GOLGA6L9: variants seen among roughly 807,000 people sequenced by gnomAD.
GOLGA6L9 encodes golgin subfamily A member 6-like protein 9.
A neutral mutation model predicts 51.3 loss-of-function variants in GOLGA6L9; 19 were observed. The observed-to-expected ratio is 0.37, with a 90% CI of 0.26 to 0.54. The LOEUF (loss-of-function observed/expected upper bound fraction) is 0.54. Ranked by LOEUF, GOLGA6L9 falls within the 20% of genes least tolerant of loss-of-function variation. The pLI is 0.83. For synonymous variants in GOLGA6L9, 97 were observed against 184.2 expected (o/e 0.53, Z 3.83); for missense variants, 247 against 464.1 (o/e 0.53, Z 4.30).
chr15:82,420,459 T>G, the GOLGA6L9 span, among the ~76,000 whole-genome samples: 1 of 152,100 alleles, frequency 6.6e-6, no homozygotes, highest in Admixed American at 6.5e-5. Flanking sequence ...GTCTTTTTAT[T>G]TACTTATTTT....
chr15:82,432,418 A>G lies in GOLGA6L9; in HGVS notation c.205-154A>G. 7 of 1,309,668 alleles carry G rather than the reference A, an allele frequency of 5.3e-6. 1 individual carries two copies. The South Asian group carries it at 9.9e-5, about 18-fold the overall frequency. The allele number at this position is 1,309,668 out of a possible 1,614,324, so 81.1% of individuals were successfully genotyped here. A position where few individuals can be genotyped will look rare whatever the true frequency, so the allele number is the denominator to read the frequency against. On this transcript the variant is annotated intron_variant, in intron 2 of 8. Transcript: ENST00000618348. ...GTGGGATGGTGGGGAGATAAGAACC[A>G]CGAGAGAAGTTGGCACAAAGGAGTT... is the stretch of plus-strand genomic sequence containing the variant.
the GOLGA6L9 span, chr15:82,419,960 ATG>A: frequency 2.9e-6 from 1 of 340,160 alleles, no homozygotes; most frequent in Non-Finnish European, 5.9e-6. Flanking sequence ...TGTTCTAGAG[ATG>A]TTTTGTTCTT....
In GOLGA6L9 at chr15:82,434,098, C is replaced by G; in HGVS notation, c.498C>G (p.Thr166=). The G allele has an allele frequency of 1.3e-6, 2 of 1,516,762 alleles. No homozygotes were observed. Among genetic ancestry groups the G allele is most frequent in the East Asian group, 5.0e-5 (2 of 40,006 alleles). The allele number at this position is 1,516,762 out of a possible 1,614,324, so 94.0% of individuals were successfully genotyped here. ...AGATGGAGCAGCTACAAGATGAGAC[C>G]AACCACCTAAGGAAGGAGCTAGAGA... ...PSKMEQLQDE[T]NHLRKELESV... Residue 166 remains threonine, a synonymous_variant, in exon 6 of 9, where the codon ACC becomes ACG. Transcript: ENST00000618348.
At chr15:82,433,382 T>G (rs1323788056) in intron 4 of GOLGA6L9, among the ~76,000 whole-genome samples, 180 bp from the exon 5 acceptor site, 1 of 152,058 alleles carries the variant, frequency 6.6e-6, no homozygotes, top group African/African-American at 2.4e-5. Flanking sequence ...CTTTGCTGTT[T>G]TATATCTCTG....
chr15:82,435,289 A>C (rs1427482011), intron 7 of GOLGA6L9: 58 of 262,762 alleles, frequency 2.2e-4, no homozygotes, highest in Non-Finnish European at 1.6e-4. Context: ...TGAGGTCAGG[A>C]GTTTGAGACC....
At chr15:82,435,375 G>A (rs1411472818) in intron 7 of GOLGA6L9, 1 of 321,358 alleles carries the variant, frequency 3.1e-6, no homozygotes, top group South Asian at 2.7e-5. Context: ...GCCTGGTGGT[G>A]CATGCCTGTA....
At chr15:82,424,518 AC>A in the GOLGA6L9 span, among the ~76,000 whole-genome samples, 1 of 152,280 alleles carries the variant, frequency 6.6e-6, no homozygotes, top group African/African-American at 2.4e-5. Context: ...GATTAAAAAA[AC>A]AAAAAGGAAA....
chr15:82,434,541 A>C lies in GOLGA6L9; in HGVS notation c.941A>C (p.Glu314Ala). ...ERLRELERML[E>A]LGWEALYEQR... is the part of the protein sequence containing the mutation. ...CTGCGGGAGCTGGAGAGGATGCTGG[A>C]GCTGGGGTGGGAAGCCCTGTACGAG... Residue 314 changes from glutamate to alanine, a missense_variant, in exon 6 of 9, where the codon GAG (glutamate) becomes GCG (alanine). This residue lies in a region of GOLGA6L9 where 35 missense variants were observed against 86.2 expected (regional missense o/e 0.41). Coordinates refer to ENST00000618348, the MANE Select transcript of GOLGA6L9 (RefSeq NM_198181.4). The C allele has an allele frequency of 1.3e-6, 2 of 1,564,738 alleles. No individual in the cohort carries two copies. Among genetic ancestry groups the C allele is most frequent in the Admixed American group, 1.8e-5 (1 of 55,060 alleles).
chr15:82,419,621 G>T, the GOLGA6L9 span, among the ~76,000 whole-genome samples: 2 of 152,066 alleles, frequency 1.3e-5, no homozygotes, highest in South Asian at 2.1e-4. Flanking sequence ...CCGCACTCCA[G>T]CCTGGGTGAC....
Position 82,436,463 on chromosome 15 carries a change from T to C in GOLGA6L9, c.*52T>C, listed in dbSNP as rs1199169530. ...AAACAAAACATTTAAGGGGTTAATA[T>C]CCTACACAATTCATTTACTTCATTT... On this transcript the variant is annotated 3_prime_UTR_variant, in exon 9 of 9. Coordinates refer to ENST00000618348, the MANE Select transcript of GOLGA6L9 (RefSeq NM_198181.4). 4.6e-6 allele frequency: 7 copies of C among 1,533,446 alleles called. No individual in the cohort carries two copies. The African/African-American group carries it at 6.8e-5, about 15-fold the overall frequency. The allele number at this position is 1,533,446 out of a possible 1,614,324, so 95.0% of individuals were successfully genotyped here. A position where few individuals can be genotyped will look rare whatever the true frequency, so the allele number is the denominator to read the frequency against.
rs1403065889 is a variant in GOLGA6L9 at position 82,430,003 on chromosome 15, C to T, written c.-77C>T. On this transcript the variant is annotated 5_prime_UTR_variant, in exon 1 of 9. The change creates a new upstream start codon in the 5' untranslated region. Transcript: ENST00000618348. ...CTGCGTTCCATTGGTGCCCTGGTTA[C>T]GCCACCTGTGGCTCAGTTGCACAGC... The T allele has an allele frequency of 1.1e-4, 83 of 783,188 alleles. 1 individual carries two copies. The highest frequency in any genetic ancestry group is 7.9e-4 in the African/African-American group (46 of 58,222). The allele number at this position is 783,188 out of a possible 1,614,324, so 48.5% of individuals were successfully genotyped here.
upstream of GOLGA6L9, among the ~76,000 whole-genome samples, chr15:82,427,464 T>A (rs1233485862): frequency 2.8e-4 from 42 of 152,140 alleles, no homozygotes; most frequent in Non-Finnish European, 2.8e-4. Flanking sequence ...AAAGTCACAT[T>A]TCACTTAATT....
intron 4 of GOLGA6L9, among the ~76,000 whole-genome samples, chr15:82,433,336 G>C (rs1269803545): frequency 1.3e-5 from 2 of 151,934 alleles, no homozygotes; most frequent in South Asian, 2.1e-4. Flanking sequence ...AAGGCCCCTA[G>C]AATGGAAAGC....
At position 82,434,222 on chromosome 15, in the gene GOLGA6L9, C is replaced by T; in HGVS notation, c.622C>T (p.Leu208=). The change falls in exon 6 of 9, where the codon CTA becomes TTA. Residue 208 remains leucine (L), a synonymous_variant. Coordinates refer to ENST00000618348, the MANE Select transcript of GOLGA6L9 (RefSeq NM_198181.4). ...GAGGCTACGTGAACAGGAGGAGAGG[C>T]TACGTGAACAGGAGGAGAGGCTGTG... is the stretch of plus-strand genomic sequence containing the variant. The part of the protein sequence containing the change: ...EERLREQEER[L]REQEERLCEQ... 3.2e-6 allele frequency: 5 copies of T among 1,561,528 alleles called. No homozygotes were observed. The Admixed American group carries it at 9.2e-5, about 29-fold the overall frequency.
Position 82,437,768 on chromosome 15 carries a change from G to T in GOLGA6L9, c.*1357G>T, listed in dbSNP as rs2031753242. The T allele has an allele frequency of 6.6e-6, 1 of 150,470 alleles. No individual in the cohort carries two copies. Among genetic ancestry groups the T allele is most frequent in the South Asian group, 2.1e-4 (1 of 4,796 alleles). The allele number at this position is 150,470 out of a possible 1,614,324, so 9.3% of individuals were successfully genotyped here. A position where few individuals can be genotyped will look rare whatever the true frequency, so the allele number is the denominator to read the frequency against. ...TATTATACTACATTTGAAAATCAAG[G>T]AGCAGTTTATGCAACGTAAAACGTT... is the stretch of plus-strand genomic sequence containing the variant. On this transcript the variant is annotated 3_prime_UTR_variant, in exon 9 of 9. Coordinates refer to ENST00000618348, the MANE Select transcript of GOLGA6L9 (RefSeq NM_198181.4).
chr15:82,419,003 G>C, the GOLGA6L9 span, among the ~76,000 whole-genome samples: 2 of 152,120 alleles, frequency 1.3e-5, no homozygotes, highest in African/African-American at 4.8e-5. Context: ...CAATTGACTG[G>C]AATTTCAGAG....
chr15:82,437,951 T>A lies in GOLGA6L9; in HGVS notation c.*1540T>A, dbSNP rs1360103079. 2 of 151,162 alleles carry A rather than the reference T, an allele frequency of 1.3e-5. No individual in the cohort carries two copies. Among genetic ancestry groups the A allele is most frequent in the African/African-American group, 4.9e-5 (2 of 41,018 alleles). 9.4% of individuals were successfully genotyped at this position (151,162 alleles called of 1,614,324 possible). On this transcript the variant is annotated 3_prime_UTR_variant, in exon 9 of 9. Transcript: ENST00000618348. The stretch of plus-strand genomic sequence containing the variant: ...TCAGTTAGAGGCATATTTTGTGTAA[T>A]ATTTATGGCTTAAAATGGACTAAAG...
rs2031457444 is a variant in GOLGA6L9, at chr15:82,432,645, G to A, written c.264+14G>A. 6.2e-7 allele frequency: 1 copy of A among 1,603,002 alleles called. No homozygotes were observed. The highest frequency in any genetic ancestry group is 1.1e-5 in the South Asian group (1 of 90,398). ...CAGGATCTGGAGGTAAGAGGCCCTG[G>A]GCCGAGGTGCAGTGACCCTGCAGGC... On this transcript the variant is annotated intron_variant, in intron 3 of 8. Coordinates refer to ENST00000618348, the MANE Select transcript of GOLGA6L9 (RefSeq NM_198181.4).
chr15:82,431,961 C>T lies in GOLGA6L9; in HGVS notation c.204+12C>T, dbSNP rs1405044695. 3.4e-5 allele frequency: 46 copies of T among 1,346,160 alleles called. 8 individuals are homozygous for T. The highest frequency in any genetic ancestry group is 1.8e-4 in the African/African-American group (12 of 68,560). The allele number at this position is 1,346,160 out of a possible 1,614,324, so 83.4% of individuals were successfully genotyped here. A position where few individuals can be genotyped will look rare whatever the true frequency, so the allele number is the denominator to read the frequency against. ...ACTCACCTGGGGATGTGAGTCTCGG[C>T]GGGCCAGGCTCCTGGGGACAGGGAG... is the stretch of plus-strand genomic sequence containing the variant. On this transcript the variant is annotated intron_variant, in intron 2 of 8. Coordinates refer to ENST00000618348, the MANE Select transcript of GOLGA6L9 (RefSeq NM_198181.4).
Sources: gnomAD v4.1 joint callset for allele counts (sites outside exome capture counted in the v4.1 genomes callset) on GRCh38, gnomAD v4.1.1 for gene constraint, gnomAD v4.1.1 regional missense constraint, MANE v1.5 for transcripts, NCBI Gene and HGNC (gene_info 2026-07-23, HGNC 2026-07-21) for gene names.